Variants in AMOT observed in about 807,000 individuals in gnomAD.
AMOT encodes angiomotin.
In AMOT, 11 loss-of-function variants were observed where a neutral mutation model predicts 67.0. That is an observed-to-expected ratio of 0.16 (90% CI 0.10 to 0.27). AMOT has a LOEUF of 0.27. Among genes scored for constraint, AMOT ranks in the 10% least tolerant of loss-of-function variants. AMOT has a pLI of 1.00. For missense variants in AMOT, 753 were observed against 852.0 expected (o/e 0.88, Z 1.45); for synonymous variants, 326 against 321.4 (o/e 1.01, Z -0.15).
At chrX:112,788,853 C>T (rs528209251) in intron 10 of AMOT, among the ~76,000 whole-genome samples, 15 of 112,524 alleles carry the variant, frequency 1.3e-4, no homozygotes, top group South Asian at 3.7e-4. Flanking sequence ...AAAGTTTCTA[C>T]GTGATGATTA....
intron 8 of AMOT, among the ~76,000 whole-genome samples, chrX:112,796,050 G>A (rs1933803035): frequency 9.3e-6 from 1 of 108,002 alleles, no homozygotes; most frequent in African/African-American, 3.5e-5. Flanking sequence ...AAAAAAAACA[G>A]GGCTAGATAC....
At chrX:112,789,314 C>T (rs1933489297) in intron 10 of AMOT, among the ~76,000 whole-genome samples, 1 of 111,731 alleles carries the variant, frequency 9.0e-6, no homozygotes, top group African/African-American at 3.2e-5. Flanking sequence ...AGACCATCTT[C>T]TGGCAGAGCT....
rs187164341 is a variant in AMOT at position 112,801,915 on chromosome X, A to G, written c.1776+3032T>C. 5.6e-3 allele frequency among the ~76,000 whole-genome samples: 635 copies of G among 112,522 alleles called. 1 individual carries two copies. The highest frequency in any genetic ancestry group is 0.019 in the African/African-American group (597 of 31,037). ...AATTTTGATTTGCTAAGTAGGCTAG[A>G]AAGGTTTTCCTTGGAAGAACTTCTA... On this transcript the variant is annotated intron_variant, in intron 8 of 13. Transcript: ENST00000371959.
intron 7 of AMOT, among the ~76,000 whole-genome samples, chrX:112,807,098 C>T (rs1470476885): frequency 9.0e-6 from 1 of 111,027 alleles, no homozygotes; most frequent in Non-Finnish European, 1.9e-5. Flanking sequence ...AGAGCCTAAC[C>T]GACCCACGGG....
At chrX:112,797,559 T>C (rs1375700861) in intron 8 of AMOT, among the ~76,000 whole-genome samples, 1 of 111,433 alleles carries the variant, frequency 9.0e-6, no homozygotes, top group Non-Finnish European at 1.9e-5. Context: ...GGCGGGTGGA[T>C]TACTTGAGGT....
rs1258594931 is a variant in AMOT, at chrX:112,776,164, C to T, written c.*2403G>A. On this transcript the variant is annotated 3_prime_UTR_variant, in exon 14 of 14. Transcript: ENST00000371959. ...TCAGCCAAGAACTTCTTCCTTTCCC[C>T]AAAACACATGAGTCTAAAGAGATGG... 1 of 111,914 alleles carries T rather than the reference C, an allele frequency of 8.9e-6. No individual in the cohort carries two copies. Among genetic ancestry groups the T allele is most frequent in the Admixed American group, 9.5e-5 (1 of 10,542 alleles). 9.2% of individuals were successfully genotyped at this position (111,914 alleles called of 1,213,427 possible).
intron 3 of AMOT, among the ~76,000 whole-genome samples, chrX:112,823,650 T>C (rs1252829968): frequency 5.3e-5 from 6 of 112,159 alleles, no homozygotes; most frequent in South Asian, 7.5e-4. Context: ...AGCTACAAAA[T>C]GCAAAATAAA....
At chrX:112,792,415 G>A (rs1028888526) in intron 8 of AMOT, among the ~76,000 whole-genome samples, 1 of 112,288 alleles carries the variant, frequency 8.9e-6, no homozygotes, top group African/African-American at 3.2e-5. Context: ...CAGGAAGAAA[G>A]GTTTGCTTTG....
chrX:112,838,237 G>A (rs1373352443), intron 1 of AMOT, among the ~76,000 whole-genome samples: 1 of 111,841 alleles, frequency 8.9e-6, no homozygotes, highest in African/African-American at 3.3e-5. Context: ...CTGGGGTAAA[G>A]GAAAAGAAGC....
chrX:112,798,918 T>A (rs751057684), intron 8 of AMOT, among the ~76,000 whole-genome samples: 3 of 111,979 alleles, frequency 2.7e-5, no homozygotes, highest in Non-Finnish European at 3.8e-5. Flanking sequence ...CCCTTCTGAC[T>A]CAGGAAAATC....
chrX:112,811,163 A>G, intron 6 of AMOT, 86 bp downstream of exon 6: 3 of 1,137,637 alleles, frequency 2.6e-6, no homozygotes, highest in Non-Finnish European at 3.5e-6. Context: ...AACCCCAAAG[A>G]GCCTAGTTGG....
At chrX:112,820,131 CA>C (rs1056376252) in intron 4 of AMOT, among the ~76,000 whole-genome samples, 2 of 112,143 alleles carry the variant, frequency 1.8e-5, no homozygotes, top group African/African-American at 6.5e-5. Flanking sequence ...ACCCAAATTT[CA>C]TATGGAGCAT....
At chrX:112,833,479 G>C (rs979855599) in intron 1 of AMOT, among the ~76,000 whole-genome samples, 1 of 40,374 alleles carries the variant, frequency 2.5e-5, no homozygotes, top group East Asian at 7.0e-4. Context: ...TGGGAGTAAA[G>C]GGGGGGGGGG....
At chrX:112,801,207 C>T (rs752735141) in intron 8 of AMOT, among the ~76,000 whole-genome samples, 1 of 111,362 alleles carries the variant, frequency 9.0e-6, no homozygotes, top group African/African-American at 3.3e-5. Flanking sequence ...AAATCTCCAG[C>T]GAGGTCAAAT....
chrX:112,803,187 G>C (rs188820462), intron 8 of AMOT, among the ~76,000 whole-genome samples: 11 of 111,236 alleles, frequency 9.9e-5, no homozygotes, highest in African/African-American at 3.6e-4. Context: ...TTTTTGGGAG[G>C]TGAACCAAAG....
intron 5 of AMOT, among the ~76,000 whole-genome samples, chrX:112,813,157 C>G (rs1175218856): frequency 8.9e-6 from 1 of 112,347 alleles, no homozygotes; most frequent in Non-Finnish European, 1.9e-5. Flanking sequence ...AAGGTAGTCC[C>G]TTTCCTCAAG....
rs191895100 is a variant in AMOT, at chrX:112,836,926, C to T, written c.-289+3526G>A. ...AAAAAACTTAACAGAGGTAGTAAAC[C>T]GAGTTACAGTTGGGCCTAGAGCCCA... On this transcript the variant is annotated intron_variant, in intron 1 of 13. Coordinates refer to ENST00000371959, the MANE Select transcript of AMOT (RefSeq NM_001113490.2). 2.0e-3 allele frequency among the ~76,000 whole-genome samples: 221 copies of T among 108,722 alleles called. 1 individual carries two copies. Among genetic ancestry groups the T allele is most frequent in the African/African-American group, 5.6e-3 (168 of 29,908 alleles). The allele number at this position is 108,722 out of a possible 115,157, so 94.4% of individuals were successfully genotyped here.
chrX:112,815,514 C>T lies in AMOT; in HGVS notation c.1236G>A (p.Arg412=), dbSNP rs1444889529. The T allele has an allele frequency of 8.3e-7, 1 of 1,211,416 alleles. No individual in the cohort carries two copies. The highest frequency in any genetic ancestry group is 2.2e-5 in the Admixed American group (1 of 45,962). ...GATAAGAAGCAGAGGATGGCTGAGC[C>T]CGAGGCATAGCTGAATAGGCTTCTC... is the stretch of plus-strand genomic sequence containing the variant. ...QPGEAYSAMP[R]AQPSSASYQP... is the part of the protein sequence containing the mutation. Residue 412 remains arginine, a synonymous_variant, in exon 5 of 14, where the codon CGG becomes CGA. Coordinates refer to ENST00000371959, the MANE Select transcript of AMOT (RefSeq NM_001113490.2).
chrX:112,780,669 C>T (rs1392903103), intron 12 of AMOT: 3 of 424,790 alleles, frequency 7.1e-6, no homozygotes, highest in Admixed American at 4.1e-5. Flanking sequence ...GTCCTCTAAG[C>T]CTTGGCCTCA....
Sources: gnomAD v4.1 joint callset for allele counts (sites outside exome capture counted in the v4.1 genomes callset) on GRCh38, gnomAD v4.1.1 for gene constraint, MANE v1.5 for transcripts, NCBI Gene and HGNC (gene_info 2026-07-23, HGNC 2026-07-21) for gene names.